Variants in POU6F2 observed in about 807,000 individuals in gnomAD.
POU6F2 encodes POU class 6 homeobox 2, also known as POU domain, class 6, transcription factor 2.
POU6F2 carries 31 observed loss-of-function variants against 71.3 expected under a neutral mutation model. That is an observed-to-expected ratio of 0.43 (90% CI 0.33 to 0.59). The LOEUF is 0.59. Among genes scored for constraint, POU6F2 ranks in the 20% least tolerant of loss-of-function variants. The probability of loss-of-function intolerance (pLI) is 0.04; values close to 1 mark genes in which losing one functional copy is unlikely to be tolerated. For synonymous variants in POU6F2, 347 were observed against 355.7 expected (o/e 0.98, Z 0.27); for missense variants, 783 against 856.8 (o/e 0.91, Z 1.07).
chr7:39,026,591 G>T (rs949771909), intron 1 of POU6F2, among the ~76,000 whole-genome samples: 6 of 151,992 alleles, frequency 3.9e-5, no homozygotes, highest in Non-Finnish European at 8.8e-5. Context: ...CACACTCTGG[G>T]GACTGTTGTG....
chr7:39,442,260 G>A (rs1364166713), intron 7 of POU6F2, among the ~76,000 whole-genome samples: 1 of 152,238 alleles, frequency 6.6e-6, no homozygotes, highest in East Asian at 1.9e-4. Context: ...AGCTTATGGG[G>A]TAGTGAGGAA....
intron 1 of POU6F2, among the ~76,000 whole-genome samples, chr7:39,030,811 C>A (rs1789924530): frequency 6.6e-6 from 1 of 151,650 alleles, no homozygotes; most frequent in East Asian, 1.9e-4. Flanking sequence ...ATGTTGCATT[C>A]CCACCAATAC....
rs73371333 is a variant in POU6F2, at chr7:39,050,944, T to C, written c.106-34916T>C. Among the ~76,000 whole-genome samples, 778 of 152,258 alleles carry C rather than the reference T, an allele frequency of 5.1e-3. 9 individuals carry two copies. The highest frequency in any genetic ancestry group is 0.018 in the African/African-American group (749 of 41,568). Reference sequence around the variant, plus strand: ...TTGTTTCTGATACATTTGTCTAGTTTTATCATTACTGTTTGGAGAAAATAT... The same window carrying C: ...TTGTTTCTGATACATTTGTCTAGTTCTATCATTACTGTTTGGAGAAAATAT... On this transcript the variant is annotated intron_variant, in intron 1 of 9. Coordinates refer to ENST00000518318, the MANE Select transcript of POU6F2 (RefSeq NM_001370959.1).
chr7:39,444,245 A>G (rs1334146285), intron 7 of POU6F2, among the ~76,000 whole-genome samples: 3 of 152,208 alleles, frequency 2.0e-5, no homozygotes, highest in Non-Finnish European at 2.9e-5. Context: ...ACAGTATTAC[A>G]TCAGAAATCC....
In POU6F2 at chr7:39,167,865, A is replaced by C. The variant is rs571036686; in HGVS notation, c.278-36370A>C. Reference sequence around the variant, plus strand: ...GCCTCAGATAAGTTACATATTTTATACAGTCACATATGTTATACTTATTTT... The same window carrying C: ...GCCTCAGATAAGTTACATATTTTATCCAGTCACATATGTTATACTTATTTT... On this transcript the variant is annotated intron_variant, in intron 2 of 9. Coordinates refer to ENST00000518318, the MANE Select transcript of POU6F2 (RefSeq NM_001370959.1). Among the ~76,000 whole-genome samples, 5 of 152,090 alleles carry C rather than the reference A, an allele frequency of 3.3e-5. No individual in the cohort carries two copies. In the South Asian group the frequency reaches 1.0e-3, roughly 32 times the overall value.
At chr7:39,041,671 C>T (rs1023693924) in intron 1 of POU6F2, among the ~76,000 whole-genome samples, 6 of 151,722 alleles carry the variant, frequency 4.0e-5, no homozygotes, top group Admixed American at 1.3e-4. Flanking sequence ...TATTTTCTTC[C>T]AATATATTCT....
intron 4 of POU6F2, among the ~76,000 whole-genome samples, chr7:39,253,188 C>T (rs1783960411): frequency 6.6e-6 from 1 of 152,232 alleles, no homozygotes; most frequent in African/African-American, 2.4e-5. Context: ...CTCAGCAGAA[C>T]CGCTCCCAGG....
intron 4 of POU6F2, among the ~76,000 whole-genome samples, chr7:39,255,557 A>T (rs1784004637): frequency 6.6e-6 from 1 of 152,218 alleles, no homozygotes; most frequent in Non-Finnish European, 1.5e-5. Flanking sequence ...CAGTCTTAAT[A>T]TTTCGGGAAA....
Position 39,465,051 on chromosome 7 carries a change from G to A in POU6F2, c.*365G>A, listed in dbSNP as rs1789037211. 4 of 159,888 alleles carry A rather than the reference G, an allele frequency of 2.5e-5. No homozygotes were observed. Among genetic ancestry groups the A allele is most frequent in the Admixed American group, 1.4e-4 (2 of 14,640 alleles). 9.9% of individuals were successfully genotyped at this position (159,888 alleles called of 1,614,324 possible). A position where few individuals can be genotyped will look rare whatever the true frequency, so the allele number is the denominator to read the frequency against. ...TTTTTTCTGTATATTATGAAAATGT[G>A]AACACATTTTAAGGAAAAAGAAAAA... On this transcript the variant is annotated 3_prime_UTR_variant, in exon 10 of 10. Transcript: ENST00000518318.
chr7:39,193,885 T>G (rs758659829), intron 2 of POU6F2, among the ~76,000 whole-genome samples: 1 of 152,222 alleles, frequency 6.6e-6, no homozygotes, highest in Non-Finnish European at 1.5e-5. Flanking sequence ...CAGTTTTGTT[T>G]CCTGTATAAA....
At chr7:39,025,692 A>T (rs544343673) in intron 1 of POU6F2, among the ~76,000 whole-genome samples, 2 of 151,368 alleles carry the variant, frequency 1.3e-5, no homozygotes, top group Non-Finnish European at 2.9e-5. Flanking sequence ...GGCATGGGCA[A>T]GGACTTCATG....
At chr7:39,326,227 T>C (rs1375040449) in intron 4 of POU6F2, among the ~76,000 whole-genome samples, 22 of 152,214 alleles carry the variant, frequency 1.4e-4, no homozygotes, top group African/African-American at 4.8e-4. Flanking sequence ...CAGTGAGGCA[T>C]AGACAGTGAA....
chr7:39,315,137 A>T (rs1785239058), intron 4 of POU6F2, among the ~76,000 whole-genome samples: 1 of 152,222 alleles, frequency 6.6e-6, no homozygotes. Flanking sequence ...TGAGTAGGGG[A>T]TGGCTGCTAT....
chr7:39,366,453 G>C (rs1477670586), intron 5 of POU6F2, among the ~76,000 whole-genome samples: 1 of 152,190 alleles, frequency 6.6e-6, no homozygotes, highest in African/African-American at 2.4e-5. Flanking sequence ...AAGGAATGAG[G>C]TGGGGTGACA....
chr7:39,053,934 C>G (rs937613463), intron 1 of POU6F2, among the ~76,000 whole-genome samples: 1 of 151,930 alleles, frequency 6.6e-6, no homozygotes, highest in Non-Finnish European at 1.5e-5. Context: ...GAAACCCTGT[C>G]TCTACTAAAA....
chr7:39,261,463 T>C (rs1784138467), intron 4 of POU6F2, among the ~76,000 whole-genome samples: 1 of 152,238 alleles, frequency 6.6e-6, no homozygotes, highest in Non-Finnish European at 1.5e-5. Context: ...AGAATCAGCT[T>C]TTCTGGCTCT....
intron 4 of POU6F2, among the ~76,000 whole-genome samples, chr7:39,299,231 C>G (rs1784909063): frequency 6.6e-6 from 1 of 152,070 alleles, no homozygotes; most frequent in African/African-American, 2.4e-5. Context: ...CTACCCTCAC[C>G]TGCTTTTGAA....
At chr7:38,986,773 C>T (rs888776603) in intron 1 of POU6F2, among the ~76,000 whole-genome samples, 1 of 152,156 alleles carries the variant, frequency 6.6e-6, no homozygotes, top group African/African-American at 2.4e-5. Context: ...CAAATAACCA[C>T]TGTTAACTAT....
chr7:39,428,494 A>T (rs1788023325), intron 6 of POU6F2, among the ~76,000 whole-genome samples: 1 of 152,216 alleles, frequency 6.6e-6, no homozygotes, highest in African/African-American at 2.4e-5. Flanking sequence ...TGCCTGAGCT[A>T]TTTGCTGTGA....
Sources: gnomAD v4.1 joint callset for allele counts (sites outside exome capture counted in the v4.1 genomes callset) on GRCh38, gnomAD v4.1.1 for gene constraint, MANE v1.5 for transcripts, NCBI Gene and HGNC (gene_info 2026-07-23, HGNC 2026-07-21) for gene names.